HPSE2: variants seen among roughly 807,000 people sequenced by gnomAD.
The protein encoded by HPSE2 is inactive heparanase-2.
HPSE2 carries 38 observed loss-of-function variants against 60.5 expected under a neutral mutation model. The observed-to-expected ratio is 0.63, with a 90% CI of 0.48 to 0.82. The LOEUF is 0.82. Ranked by LOEUF, HPSE2 falls within the 40% of genes least tolerant of loss-of-function variation. HPSE2 has a pLI of 0.00. For synonymous variants in HPSE2, 295 were observed against 293.2 expected (o/e 1.01, Z -0.06); for missense variants, 713 against 740.4 (o/e 0.96, Z 0.43).
At chr10:98,655,507 T>C (rs1287530644) in intron 6 of HPSE2, among the ~76,000 whole-genome samples, 1 of 152,208 alleles carries the variant, frequency 6.6e-6, no homozygotes, top group Non-Finnish European at 1.5e-5. Flanking sequence ...TCTCCAGATT[T>C]CAGGGTGGTG....
chr10:99,123,865 A>G (rs1465373690), intron 3 of HPSE2, among the ~76,000 whole-genome samples: 17 of 152,162 alleles, frequency 1.1e-4, no homozygotes, highest in Admixed American at 8.5e-4. Context: ...TCATATCCAC[A>G]GGCAGGTCGT....
chr10:99,012,053 T>A (rs1957030223), intron 3 of HPSE2, among the ~76,000 whole-genome samples: 1 of 151,912 alleles, frequency 6.6e-6, no homozygotes, highest in African/African-American at 2.4e-5. Context: ...TACTTTGAAA[T>A]TCACTTTAAC....
intron 3 of HPSE2, among the ~76,000 whole-genome samples, chr10:98,879,007 G>A (rs779733637): frequency 3.9e-5 from 6 of 151,980 alleles, no homozygotes; most frequent in Non-Finnish European, 7.4e-5. Context: ...GGAGAAGAAC[G>A]ATGTCCTTTA....
At chr10:98,856,329 G>T (rs567267222) in intron 3 of HPSE2, among the ~76,000 whole-genome samples, 1 of 152,272 alleles carries the variant, frequency 6.6e-6, no homozygotes, top group African/African-American at 2.4e-5. Flanking sequence ...CATGTTAAGA[G>T]TTCCAGAGGC....
intron 3 of HPSE2, among the ~76,000 whole-genome samples, chr10:98,913,361 CTTTA>C (rs548189092): frequency 7.9e-5 from 12 of 152,170 alleles, no homozygotes; most frequent in Admixed American, 1.3e-4. Flanking sequence ...TCAATCAACA[CTTTA>C]TTTATCTGCT....
chr10:98,679,138 T>C (rs535220422), intron 6 of HPSE2, among the ~76,000 whole-genome samples: 43 of 152,214 alleles, frequency 2.8e-4, no homozygotes, highest in African/African-American at 8.9e-4. Context: ...CCACAAAATC[T>C]CAGGAGCTGG....
intron 3 of HPSE2, among the ~76,000 whole-genome samples, chr10:98,832,589 A>G (rs1951706929): frequency 6.6e-6 from 1 of 152,042 alleles, no homozygotes; most frequent in Non-Finnish European, 1.5e-5. Flanking sequence ...TGAGGTAGCT[A>G]AGAATCTGCA....
At chr10:98,956,891 C>G (rs1955523500) in intron 3 of HPSE2, among the ~76,000 whole-genome samples, 1 of 152,106 alleles carries the variant, frequency 6.6e-6, no homozygotes, top group African/African-American at 2.4e-5. Context: ...CGAAAGGTTT[C>G]AAAGAGGAGA....
chr10:98,465,006 G>C (rs926284445), intron 11 of HPSE2, among the ~76,000 whole-genome samples: 1 of 152,152 alleles, frequency 6.6e-6, no homozygotes, highest in Admixed American at 6.5e-5. Flanking sequence ...TGTGAATAAG[G>C]TTTTGTGAGA....
the HPSE2 span, among the ~76,000 whole-genome samples, chr10:99,298,418 A>G: frequency 6.6e-6 from 1 of 152,382 alleles, no homozygotes; most frequent in Admixed American, 6.5e-5. Flanking sequence ...CTTACTAGAC[A>G]TAGGGACAAC....
chr10:98,830,912 T>A (rs1033682808), intron 3 of HPSE2, among the ~76,000 whole-genome samples: 6 of 152,314 alleles, frequency 3.9e-5, no homozygotes, highest in African/African-American at 9.6e-5. Context: ...TATTTTTACA[T>A]GAAGGCATGC....
At chr10:99,159,497 GAAGA>G (rs1444203195) in intron 2 of HPSE2, among the ~76,000 whole-genome samples, 3 of 152,148 alleles carry the variant, frequency 2.0e-5, no homozygotes, top group Non-Finnish European at 4.4e-5. Context: ...CACACACATA[GAAGA>G]AATGATTGTA....
intron 3 of HPSE2, among the ~76,000 whole-genome samples, chr10:98,864,925 T>C (rs1271539717): frequency 6.6e-6 from 1 of 152,188 alleles, no homozygotes; most frequent in East Asian, 1.9e-4. Context: ...CATTTCCTTC[T>C]TCAACACCTT....
intron 11 of HPSE2, among the ~76,000 whole-genome samples, chr10:98,476,156 A>G (rs1941006337): frequency 6.6e-6 from 1 of 151,412 alleles, no homozygotes; most frequent in South Asian, 2.1e-4. Context: ...AAAAATGATG[A>G]GTTCATGTCC....
chr10:98,976,137 T>C (rs1956079480), intron 3 of HPSE2, among the ~76,000 whole-genome samples: 1 of 152,154 alleles, frequency 6.6e-6, no homozygotes, highest in South Asian at 2.1e-4. Flanking sequence ...ACTTTTGGTA[T>C]ATCATTCTAC....
chr10:99,165,187 T>C (rs1188292821), intron 2 of HPSE2, among the ~76,000 whole-genome samples: 2 of 152,082 alleles, frequency 1.3e-5, no homozygotes, highest in Non-Finnish European at 2.9e-5. Context: ...CTATATTTGC[T>C]TATTTGCTCA....
intron 3 of HPSE2, among the ~76,000 whole-genome samples, chr10:98,951,815 C>G (rs1335299467): frequency 6.6e-6 from 1 of 152,138 alleles, no homozygotes; most frequent in Non-Finnish European, 1.5e-5. Context: ...AATAATAAAG[C>G]TAACATTTAT....
chr10:98,936,330 G>C (rs1954789124), intron 3 of HPSE2, among the ~76,000 whole-genome samples: 1 of 143,930 alleles, frequency 6.9e-6, no homozygotes, highest in Admixed American at 6.9e-5. Context: ...TGTCTCACTA[G>C]AGTTCCAAGT....
chr10:98,716,824 C>A (rs1466366736), intron 5 of HPSE2, among the ~76,000 whole-genome samples: 2 of 151,960 alleles, frequency 1.3e-5, no homozygotes, highest in African/African-American at 2.4e-5. Flanking sequence ...TTTTCCTGAG[C>A]AGTAGGTCTC....
Sources: gnomAD v4.1 joint callset for allele counts (sites outside exome capture counted in the v4.1 genomes callset) on GRCh38, gnomAD v4.1.1 for gene constraint, MANE v1.5 for transcripts, NCBI Gene and HGNC (gene_info 2026-07-23, HGNC 2026-07-21) for gene names.